MAP2K6: variants seen among roughly 807,000 people sequenced by gnomAD.
MAP2K6 encodes the protein mitogen-activated protein kinase kinase 6.
In MAP2K6, 16 loss-of-function variants were observed where a neutral mutation model predicts 53.7. That is an observed-to-expected ratio of 0.30 (90% confidence interval 0.20 to 0.45). The LOEUF (loss-of-function observed/expected upper bound fraction) is 0.45. Among genes scored for constraint, MAP2K6 ranks in the 20% least tolerant of loss-of-function variants. The probability of loss-of-function intolerance (pLI) is 1.00; values close to 1 mark genes in which losing one functional copy is unlikely to be tolerated. For missense variants in MAP2K6, 204 were observed against 411.9 expected (o/e 0.50, Z 4.37); for synonymous variants, 132 against 143.1 (o/e 0.92, Z 0.55).
chr17:69,478,102 A>G (rs1407636684), intron 1 of MAP2K6, among the ~76,000 whole-genome samples: 2 of 152,202 alleles, frequency 1.3e-5, no homozygotes, highest in Non-Finnish European at 2.9e-5. Flanking sequence ...TGAGTGCCTT[A>G]TAGTTATTTC....
chr17:69,449,549 C>CTTTA (rs1232363406), intron 1 of MAP2K6, among the ~76,000 whole-genome samples: 46 of 96,724 alleles, frequency 4.8e-4, no homozygotes, highest in East Asian at 9.5e-4. Flanking sequence ...TTCTTTCTTT[C>CTTTA]TTTCTTTCTT....
rs147757419 is a variant in MAP2K6 at position 69,458,333 on chromosome 17, G to A, written c.16+43333G>A. The stretch of plus-strand genomic sequence containing the variant: ...CTCCCAAAGTGCTGGGATTCCAGGC[G>A]TGAGCCACTGCACCCTGCCGCTCCT... On this transcript the variant is annotated intron_variant, in intron 1 of 11. Coordinates refer to ENST00000590474, the MANE Select transcript of MAP2K6 (RefSeq NM_002758.4). Among the ~76,000 whole-genome samples the A allele has an allele frequency of 4.5e-3, 686 of 152,274 alleles. 4 individuals carry two copies. The highest frequency in any genetic ancestry group is 0.016 in the African/African-American group (663 of 41,552).
At chr17:69,502,940 T>C (rs978082627) in intron 1 of MAP2K6, among the ~76,000 whole-genome samples, 8 of 152,224 alleles carry the variant, frequency 5.3e-5, no homozygotes, top group African/African-American at 1.9e-4. Context: ...TATTAAAGTT[T>C]TCCAAAGGGG....
At position 69,447,039 on chromosome 17, in the gene MAP2K6, A is replaced by G. The variant is rs544096460; in HGVS notation, c.16+32039A>G. ...GTTGCCCAGGCTGGAGTACAATGGCATGATCTCAGCACACTGCAACCTCCG... is the reference window on the plus strand; with the variant it reads ...GTTGCCCAGGCTGGAGTACAATGGCGTGATCTCAGCACACTGCAACCTCCG... On this transcript the variant is annotated intron_variant, in intron 1 of 11. Coordinates refer to ENST00000590474, the MANE Select transcript of MAP2K6 (RefSeq NM_002758.4). Among the ~76,000 whole-genome samples the G allele has an allele frequency of 3.5e-5, 5 of 143,254 alleles. No individual in the cohort carries two copies. In the South Asian group the frequency reaches 6.5e-4, roughly 19 times the overall value. The allele number at this position is 143,254 out of a possible 152,430, so 94.0% of individuals were successfully genotyped here.
intron 1 of MAP2K6, among the ~76,000 whole-genome samples, chr17:69,449,538 T>TTTCC (rs1907109399): frequency 1.0e-5 from 1 of 96,238 alleles, no homozygotes; most frequent in African/African-American, 4.4e-5. Flanking sequence ...TTTGTCTTTC[T>TTTCC]TTCTTTCTTT....
At chr17:69,490,900 T>G (rs1339054062) in intron 1 of MAP2K6, among the ~76,000 whole-genome samples, 1 of 152,036 alleles carries the variant, frequency 6.6e-6, no homozygotes, top group African/African-American at 2.4e-5. Context: ...CCCCAGTGTG[T>G]GTTGTTCCCT....
chr17:69,530,322 T>A (rs1272196798), intron 10 of MAP2K6, among the ~76,000 whole-genome samples: 1 of 151,832 alleles, frequency 6.6e-6, no homozygotes, highest in Non-Finnish European at 1.5e-5. Context: ...CAAAATAAGA[T>A]AAAATTAAAT....
At chr17:69,509,290 T>G (rs749314156) in intron 2 of MAP2K6, among the ~76,000 whole-genome samples, 4 of 152,226 alleles carry the variant, frequency 2.6e-5, no homozygotes, top group Non-Finnish European at 5.9e-5. Context: ...ATCAGCATTT[T>G]TATAATACAA....
intron 9 of MAP2K6, among the ~76,000 whole-genome samples, chr17:69,525,725 C>T (rs573927798): frequency 6.6e-6 from 1 of 152,308 alleles, no homozygotes; most frequent in South Asian, 2.1e-4. Context: ...GAACCACCCC[C>T]ATGATTCAAT....
intron 1 of MAP2K6, among the ~76,000 whole-genome samples, chr17:69,444,596 A>G (rs1242718219): frequency 6.6e-6 from 1 of 152,198 alleles, no homozygotes; most frequent in Non-Finnish European, 1.5e-5. Context: ...AGCTGCTGCT[A>G]TCATTGTCAA....
At chr17:69,443,951 A>C (rs556572720) in intron 1 of MAP2K6, among the ~76,000 whole-genome samples, 1 of 152,316 alleles carries the variant, frequency 6.6e-6, no homozygotes, top group East Asian at 1.9e-4. Flanking sequence ...TTGTTGCTAC[A>C]ACTGGGATGT....
At chr17:69,449,920 CTCT>C (rs1567822077) in intron 1 of MAP2K6, among the ~76,000 whole-genome samples, 1 of 150,094 alleles carries the variant, frequency 6.7e-6, no homozygotes, top group Non-Finnish European at 1.5e-5. Context: ...GCCTCTTTCT[CTCT>C]TTCTCTCTTT....
rs61758039 is a variant in MAP2K6 at position 69,517,117 on chromosome 17, G to A, written c.132+214G>A. Among the ~76,000 whole-genome samples, 533 of 151,790 alleles carry A rather than the reference G, an allele frequency of 3.5e-3. 5 individuals carry two copies. Among genetic ancestry groups the A allele is most frequent in the African/African-American group, 0.012 (506 of 41,362 alleles). ...TTTTGATGGAAGGTATTTGAATAGA[G>A]TAGATGGTTCTCTTGGGAGGGCATT... On this transcript the variant is annotated intron_variant, in intron 3 of 11. Coordinates refer to ENST00000590474, the MANE Select transcript of MAP2K6 (RefSeq NM_002758.4).
intron 1 of MAP2K6, among the ~76,000 whole-genome samples, chr17:69,505,087 A>C (rs1567843957): frequency 6.6e-6 from 1 of 152,010 alleles, no homozygotes; most frequent in Non-Finnish European, 1.5e-5. Context: ...AAAAGAAAAA[A>C]AAAAAGCTAT....
intron 11 of MAP2K6, among the ~76,000 whole-genome samples, chr17:69,538,673 C>T (rs774586678): frequency 5.9e-5 from 9 of 152,202 alleles, no homozygotes; most frequent in Non-Finnish European, 5.9e-5. Flanking sequence ...ACATGTCCCT[C>T]TTATAGAAAT....
In MAP2K6 at chr17:69,551,443, A is replaced by G. The variant is rs1912095062; in HGVS notation, c.*9690A>G. ...GAGTCATATCAGGTGCCTTGTACAC[A>G]CACATAAAGAGTCTGGTGAATTCTG... is the stretch of plus-strand genomic sequence containing the variant. On this transcript the variant is annotated 3_prime_UTR_variant, in exon 12 of 12. Transcript: ENST00000590474. The G allele has an allele frequency of 6.6e-6, 1 of 152,240 alleles. No individual in the cohort carries two copies. Among genetic ancestry groups the G allele is most frequent in the Admixed American group, 6.5e-5 (1 of 15,284 alleles). The allele number at this position is 152,240 out of a possible 1,614,324, so 9.4% of individuals were successfully genotyped here.
At chr17:69,509,856 T>C (rs1810881699) in intron 2 of MAP2K6, among the ~76,000 whole-genome samples, 1 of 152,080 alleles carries the variant, frequency 6.6e-6, no homozygotes, top group African/African-American at 2.4e-5. Context: ...GTTTTTGTTT[T>C]TTTGAGACAG....
At chr17:69,517,713 C>G (rs755108954) in intron 4 of MAP2K6, 100 bp downstream of exon 4, 1 of 642,428 alleles carries the variant, frequency 1.6e-6, no homozygotes, top group Non-Finnish European at 2.4e-6. Context: ...AACCATCTTC[C>G]GTAGGGTAAA....
intron 1 of MAP2K6, among the ~76,000 whole-genome samples, chr17:69,441,813 AGACATCTAGATT>A (rs1264112992): frequency 3.3e-5 from 5 of 152,120 alleles, no homozygotes; most frequent in African/African-American, 1.2e-4. Flanking sequence ...AGGTGGGTGT[AGACATCTAGATT>A]CTCCACGGGG....
Sources: gnomAD v4.1 joint callset for allele counts (sites outside exome capture counted in the v4.1 genomes callset) on GRCh38, gnomAD v4.1.1 for gene constraint, MANE v1.5 for transcripts, NCBI Gene and HGNC (gene_info 2026-07-23, HGNC 2026-07-21) for gene names.